Variants in MARCHF8 observed in about 807,000 individuals in gnomAD.
MARCHF8 encodes membrane associated ring-CH-type finger 8.
In MARCHF8, 40 loss-of-function variants were observed where a neutral mutation model predicts 51.6. The ratio of observed to expected loss-of-function variants is 0.77; its 90% CI spans 0.60 to 1.01. The LOEUF is 1.01. MARCHF8 is among the 50% of genes least tolerant of loss of function. The pLI, the probability that MARCHF8 is intolerant of heterozygous loss-of-function variation, is 0.00. For synonymous variants in MARCHF8, 263 were observed against 280.3 expected, an observed-to-expected ratio of 0.94 and a Z score of 0.62; for missense variants, 685 against 708.6, an observed-to-expected ratio of 0.97 and a Z score of 0.38.
intron 3 of MARCHF8, among the ~76,000 whole-genome samples, chr10:45,487,753 CAG>C (rs2043008456): frequency 6.6e-6 from 1 of 151,944 alleles, no homozygotes; most frequent in South Asian, 2.1e-4. Context: ...GAAGGTTTGC[CAG>C]AGTTTACTTT....
intron 6 of MARCHF8, chr10:45,459,610 G>T: frequency 1.6e-6 from 1 of 621,088 alleles, no homozygotes; most frequent in Non-Finnish European, 2.0e-6. Flanking sequence ...CAGGACCCAG[G>T]TACTACGTTT....
At chr10:45,528,676 CAAT>C (rs1374590582) in intron 2 of MARCHF8, among the ~76,000 whole-genome samples, 3 of 152,050 alleles carry the variant, frequency 2.0e-5, no homozygotes, top group Non-Finnish European at 4.4e-5. Context: ...TTCTATACAA[CAAT>C]GATATAATCA....
At chr10:45,568,715 C>CAAA (rs71023130) in intron 1 of MARCHF8, among the ~76,000 whole-genome samples, 7 of 75,554 alleles carry the variant, frequency 9.3e-5, no homozygotes, top group Non-Finnish European at 1.5e-4. Context: ...GAGACTGTTT[C>CAAA]AAAAAAAAAA....
At chr10:45,461,653 G>T (rs1048722462) in intron 5 of MARCHF8, 104 of 344,530 alleles carry the variant, frequency 3.0e-4, no homozygotes, top group Non-Finnish European at 5.0e-4. Context: ...AACGATGTAA[G>T]AAATGACAAA....
At chr10:45,512,017 G>A (rs530384556) in intron 2 of MARCHF8, among the ~76,000 whole-genome samples, 91 of 149,138 alleles carry the variant, frequency 6.1e-4, no homozygotes, top group African/African-American at 1.7e-3. Flanking sequence ...GCCTCTTCCC[G>A]GCCGTCATCC....
intron 3 of MARCHF8, among the ~76,000 whole-genome samples, chr10:45,465,492 C>T (rs1021054478): frequency 3.3e-5 from 5 of 152,230 alleles, no homozygotes; most frequent in Non-Finnish European, 7.3e-5. Flanking sequence ...CACTCTCATC[C>T]TGGAACTCCA....
intron 1 of MARCHF8, among the ~76,000 whole-genome samples, chr10:45,555,119 C>T (rs1002858266): frequency 8.6e-5 from 13 of 151,896 alleles, no homozygotes; most frequent in African/African-American, 2.9e-4. Flanking sequence ...ATCACAGCTA[C>T]TCAGGAGGCC....
At chr10:45,459,656 C>T (rs1157716347) in intron 6 of MARCHF8, 6 of 957,674 alleles carry the variant, frequency 6.3e-6, no homozygotes, top group Admixed American at 6.2e-5. Flanking sequence ...CATGGACGAG[C>T]GGAAGAAGAG....
chr10:45,580,752 A>T (rs2044545730), intron 1 of MARCHF8, among the ~76,000 whole-genome samples: 1 of 152,224 alleles, frequency 6.6e-6, no homozygotes, highest in Non-Finnish European at 1.5e-5. Flanking sequence ...GCTTGAGACA[A>T]TATAAAGATA....
chr10:45,566,903 C>T (rs1266079888), intron 1 of MARCHF8, among the ~76,000 whole-genome samples: 1 of 152,156 alleles, frequency 6.6e-6, no homozygotes, highest in Non-Finnish European at 1.5e-5. Flanking sequence ...TTCCTACCAA[C>T]AGTGTATGAG....
intron 1 of MARCHF8, among the ~76,000 whole-genome samples, chr10:45,575,350 A>T (rs1174595013): frequency 6.6e-6 from 1 of 152,158 alleles, no homozygotes; most frequent in Non-Finnish European, 1.5e-5. Flanking sequence ...TTTTTGGACC[A>T]AGGAAAATAT....
rs1842655097 is a variant in MARCHF8 at position 45,457,916 on chromosome 10, T to C, written c.*323A>G. The stretch of plus-strand genomic sequence containing the variant: ...GGTATCAGGGCCTGGGCACCCCTGC[T>C]CCTCCTCTTCCCTTGGGATTGGCAT... On this transcript the variant is annotated 3_prime_UTR_variant, in exon 8 of 8. Coordinates refer to ENST00000453424, the MANE Select transcript of MARCHF8 (RefSeq NM_001282866.2). 3.4e-6 allele frequency: 1 copy of C among 293,340 alleles called. No homozygotes were observed. Among genetic ancestry groups the C allele is most frequent in the Non-Finnish European group, 6.2e-6 (1 of 160,538 alleles). The allele number at this position is 293,340 out of a possible 1,614,324, so 18.2% of individuals were successfully genotyped here.
At chr10:45,585,711 A>C (rs2044611176) in intron 1 of MARCHF8, among the ~76,000 whole-genome samples, 1 of 152,216 alleles carries the variant, frequency 6.6e-6, no homozygotes, top group Non-Finnish European at 1.5e-5. Context: ...CAGCACTTAC[A>C]TTCTATACAT....
intron 4 of MARCHF8, 34 bp from the exon 5 acceptor site, chr10:45,464,030 A>C: frequency 6.6e-7 from 1 of 1,509,300 alleles, no homozygotes; most frequent in Non-Finnish European, 8.8e-7. Context: ...AAGCACAGAA[A>C]GTAAAAACAA....
At chr10:45,509,115 T>C (rs2043444908) in intron 2 of MARCHF8, among the ~76,000 whole-genome samples, 1 of 152,238 alleles carries the variant, frequency 6.6e-6, no homozygotes, top group Non-Finnish European at 1.5e-5. Flanking sequence ...GGCTTCTAAA[T>C]GACATTGCTT....
At chr10:45,479,690 C>T (rs1036394718) in intron 3 of MARCHF8, among the ~76,000 whole-genome samples, 3 of 152,234 alleles carry the variant, frequency 2.0e-5, no homozygotes, top group Non-Finnish European at 4.4e-5. Context: ...ATATGCCTTT[C>T]ATCTTCCCCC....
chr10:45,496,128 CAG>C (rs1488967640), intron 2 of MARCHF8, among the ~76,000 whole-genome samples: 12 of 152,064 alleles, frequency 7.9e-5, no homozygotes, highest in Non-Finnish European at 1.8e-4. Context: ...AACAGAAACT[CAG>C]AGAATTCATT....
intron 2 of MARCHF8, among the ~76,000 whole-genome samples, chr10:45,515,748 G>A (rs1332810150): frequency 6.6e-6 from 1 of 152,210 alleles, no homozygotes; most frequent in Non-Finnish European, 1.5e-5. Flanking sequence ...TTGTGTGTGT[G>A]TGATGCCGTG....
intron 1 of MARCHF8, among the ~76,000 whole-genome samples, chr10:45,573,553 C>G (rs2044455437): frequency 6.6e-6 from 1 of 152,158 alleles, no homozygotes. Flanking sequence ...TAAGCCTTGT[C>G]CCATCTGTGC....
Sources: allele counts gnomAD v4.1 joint callset (sites outside exome capture counted in the v4.1 genomes callset), GRCh38; gene constraint gnomAD v4.1.1; transcripts MANE v1.5; gene names NCBI Gene and HGNC (gene_info 2026-07-23, HGNC 2026-07-21).